The following EAPP variants were observed in gnomAD, a reference collection of about 807,000 sequenced individuals.
EAPP encodes the protein E2F-associated phosphoprotein.
EAPP carries 38 observed loss-of-function variants against 34.3 expected under a neutral mutation model. The ratio of observed to expected loss-of-function variants is 1.11; its 90% confidence interval spans 0.85 to 1.45. EAPP has a LOEUF of 1.45. Among genes scored for constraint, EAPP ranks in the 40% most tolerant of loss-of-function variants. EAPP has a pLI of 0.00. For synonymous variants in EAPP, 113 were observed against 117.6 expected (o/e 0.96, Z 0.25); for missense variants, 338 against 343.7 (o/e 0.98, Z 0.13).
At chr14:34,537,593 A>G (rs1282082552) in intron 1 of EAPP, among the ~76,000 whole-genome samples, 1 of 152,230 alleles carries the variant, frequency 6.6e-6, no homozygotes, top group East Asian at 1.9e-4. Context: ...AACAACCTTG[A>G]GGAATGAGAT....
rs763536134 is a variant in EAPP at position 34,519,885 on chromosome 14, CTTTTTTT to C, written c.582-3306_582-3300del. Reference sequence around the variant, plus strand: ...CAGTTATAACAAGGTTCTTTCTTTTCTTTTTTTTTTTTTTTTGAAACAGAGTTTCGCC... The same window carrying C: ...CAGTTATAACAAGGTTCTTTCTTTTCTTTTTTTTTGAAACAGAGTTTCGCC... On this transcript the variant is annotated intron_variant, in intron 5 of 5. Coordinates refer to ENST00000250454, the MANE Select transcript of EAPP (RefSeq NM_018453.4). 2.3e-3 allele frequency among the ~76,000 whole-genome samples: 314 copies of C among 133,692 alleles called. 1 individual carries two copies. The highest frequency in any genetic ancestry group is 7.8e-3 in the African/African-American group (282 of 36,308). The allele number at this position is 133,692 out of a possible 152,430, so 87.7% of individuals were successfully genotyped here. A position where few individuals can be genotyped will look rare whatever the true frequency, so the allele number is the denominator to read the frequency against.
intron 4 of EAPP, among the ~76,000 whole-genome samples, chr14:34,526,899 G>A (rs780143593): frequency 2.6e-5 from 4 of 151,360 alleles, no homozygotes; most frequent in Non-Finnish European, 4.4e-5. Flanking sequence ...GACCGGGTGC[G>A]GTGGCTCATG....
intron 3 of EAPP, among the ~76,000 whole-genome samples, chr14:34,530,906 A>G (rs1185256739): frequency 1.5e-5 from 1 of 65,658 alleles, no homozygotes; most frequent in Admixed American, 1.2e-4. Flanking sequence ...ATCTTTACCA[A>G]AAAAAAAAAA....
chr14:34,535,735 A>T (rs1880451493), intron 2 of EAPP: 4 of 159,078 alleles, frequency 2.5e-5, no homozygotes, highest in Admixed American at 6.6e-5. Context: ...CCCGGCCCAA[A>T]TTTTTTTTTT....
At chr14:34,521,640 T>C (rs956643545) in intron 5 of EAPP, among the ~76,000 whole-genome samples, 1 of 150,428 alleles carries the variant, frequency 6.6e-6, no homozygotes, top group Non-Finnish European at 1.5e-5. Flanking sequence ...GATTTCTTTT[T>C]TTTTTTTTTT....
chr14:34,524,786 C>G lies in EAPP; in HGVS notation c.492G>C (p.Gln164His). 3 of 1,613,346 alleles carry G rather than the reference C, an allele frequency of 1.9e-6. No individual in the cohort carries two copies. The highest frequency in any genetic ancestry group is 2.5e-6 in the Non-Finnish European group (3 of 1,179,820). Reference sequence around the variant, plus strand: ...GAACAGGCTGTTGTTGACGTGATCTCTGTGGTCCCAAACCATGGTAACTAG... The same window carrying G: ...GAACAGGCTGTTGTTGACGTGATCTGTGTGGTCCCAAACCATGGTAACTAG... Reference protein sequence around the residue: ...QRRGYHGLGPQRSRQQQPVPN... With the variant: ...QRRGYHGLGPHRSRQQQPVPN... Residue 164 changes from glutamine to histidine, a missense_variant, in exon 5 of 6, where the codon CAG becomes CAC. Physicochemically the swap from Gln to His is conservative, Grantham distance 24. Coordinates refer to ENST00000250454, the MANE Select transcript of EAPP (RefSeq NM_018453.4).
chr14:34,524,292 G>A (rs1206839529), intron 5 of EAPP, among the ~76,000 whole-genome samples: 1 of 152,156 alleles, frequency 6.6e-6, no homozygotes, highest in Non-Finnish European at 1.5e-5. Flanking sequence ...TGGAGGCTGA[G>A]GCAGAAGAAT....
chr14:34,539,534 C>A (rs758386761), intron 1 of EAPP, 21 bp downstream of exon 1: 2 of 1,603,744 alleles, frequency 1.2e-6, no homozygotes, highest in Non-Finnish European at 1.7e-6. Context: ...CCTCGGGGGC[C>A]AGGGTGGGGC....
intron 4 of EAPP, among the ~76,000 whole-genome samples, chr14:34,528,415 CTTTT>C (rs1180289298): frequency 3.7e-5 from 2 of 54,050 alleles, no homozygotes; most frequent in Non-Finnish European, 6.5e-5. Flanking sequence ...CCACAAAACC[CTTTT>C]TTTTTTTTTT....
At chr14:34,536,419 A>T in intron 1 of EAPP, 144 bp from the exon 2 acceptor site, 3 of 519,558 alleles carry the variant, frequency 5.8e-6, no homozygotes, top group South Asian at 3.9e-5. Flanking sequence ...AGCTATTCTC[A>T]CTTAATAAGC....
At chr14:34,534,294 A>T (rs1880391992) in intron 2 of EAPP, among the ~76,000 whole-genome samples, 1 of 151,976 alleles carries the variant, frequency 6.6e-6, no homozygotes, top group Non-Finnish European at 1.5e-5. Flanking sequence ...CGTCACTCCC[A>T]GCTAATTTTT....
In EAPP at chr14:34,524,388, CAACAA is replaced by C. The variant is rs375740164; in HGVS notation, c.581+304_581+308del. Among the ~76,000 whole-genome samples the C allele has an allele frequency of 6.5e-4, 99 of 152,050 alleles. 1 individual carries two copies. The highest frequency in any genetic ancestry group is 2.1e-3 in the African/African-American group (86 of 41,468). ...TGTACGACAGAGTGAGACTTCATCTCAACAAAACAAAACAAAACTATATCTATCTA... is the reference window on the plus strand; with the variant it reads ...TGTACGACAGAGTGAGACTTCATCTCAACAAAACAAAACTATATCTATCTA... On this transcript the variant is annotated intron_variant, in intron 5 of 5. Transcript: ENST00000250454.
chr14:34,529,510 CAT>C lies in EAPP; in HGVS notation c.353-37_353-36del, dbSNP rs766999295. 1.3e-5 allele frequency: 18 copies of C among 1,376,570 alleles called. No individual in the cohort carries two copies. The East Asian group carries it at 3.7e-4, about 28-fold the overall frequency. The allele number at this position is 1,376,570 out of a possible 1,614,324, so 85.3% of individuals were successfully genotyped here. A position where few individuals can be genotyped will look rare whatever the true frequency, so the allele number is the denominator to read the frequency against. Reference sequence around the variant, plus strand: ...AAAATATTAGGATATGGCTAAGAATCATGTGTCAAGTTCACACTTCTTTAAAT... The same window carrying C: ...AAAATATTAGGATATGGCTAAGAATCGTGTCAAGTTCACACTTCTTTAAAT... On this transcript the variant is annotated intron_variant, in intron 3 of 5. Transcript: ENST00000250454.
At chr14:34,539,255 C>T (rs1880576190) in intron 1 of EAPP, 2 of 582,194 alleles carry the variant, frequency 3.4e-6, no homozygotes, top group Non-Finnish European at 6.4e-6. Flanking sequence ...AACTGACTTG[C>T]CTTCCGTCAC....
At chr14:34,527,504 A>C (rs1023955094) in intron 4 of EAPP, among the ~76,000 whole-genome samples, 1 of 152,112 alleles carries the variant, frequency 6.6e-6, no homozygotes, top group African/African-American at 2.4e-5. Context: ...ACTCCAGCCC[A>C]GGCATCTCTT....
intron 5 of EAPP, among the ~76,000 whole-genome samples, chr14:34,518,387 T>C (rs1408896822): frequency 1.5e-5 from 2 of 133,846 alleles, no homozygotes; most frequent in Admixed American, 1.9e-4. Context: ...CAGGCTGCAG[T>C]GCAATAGCAC....
At chr14:34,536,904 T>C (rs1351357857) in intron 1 of EAPP, among the ~76,000 whole-genome samples, 1 of 152,168 alleles carries the variant, frequency 6.6e-6, no homozygotes, top group Non-Finnish European at 1.5e-5. Context: ...TATAGATAGA[T>C]AGATATCCTG....
intron 2 of EAPP, among the ~76,000 whole-genome samples, chr14:34,535,044 G>A (rs1880422359): frequency 6.6e-6 from 1 of 150,880 alleles, no homozygotes; most frequent in Admixed American, 6.6e-5. Flanking sequence ...TCACTGTATT[G>A]GCCAGGCTGG....
intron 5 of EAPP, among the ~76,000 whole-genome samples, chr14:34,519,306 G>A (rs139637255): frequency 0.02 from 3,084 of 152,236 alleles, 96 homozygotes; most frequent in African/African-American, 0.065. Context: ...AGGTCAAGGC[G>A]GGTGGATCAC....
Sources: allele counts gnomAD v4.1 joint callset (sites outside exome capture counted in the v4.1 genomes callset), GRCh38; gene constraint gnomAD v4.1.1; transcripts MANE v1.5; gene names NCBI Gene and HGNC (gene_info 2026-07-23, HGNC 2026-07-21).